STOX2: variants seen among roughly 807,000 people sequenced by gnomAD.
STOX2 encodes the protein storkhead-box protein 2.
Under a neutral mutation model 60.9 loss-of-function variants are expected in STOX2, and 28 were observed. The observed-to-expected ratio is 0.46, with a 90% CI of 0.34 to 0.63. The LOEUF is 0.63. STOX2 is among the 30% of genes least tolerant of loss of function. The pLI, the probability that STOX2 is intolerant of heterozygous loss-of-function variation, is 0.01. For synonymous variants in STOX2, 472 were observed against 463.9 expected (o/e 1.02, Z -0.22); for missense variants, 1,024 against 1,187.7 (o/e 0.86, Z 2.03).
chr4:183,919,396 G>A (rs1356717428), intron 1 of STOX2, among the ~76,000 whole-genome samples: 5 of 152,206 alleles, frequency 3.3e-5, no homozygotes, highest in African/African-American at 4.8e-5. Context: ...GCCAGCTAGA[G>A]GTGGGGTTTA....
intron 1 of STOX2, among the ~76,000 whole-genome samples, chr4:183,892,185 G>A (rs1034652636): frequency 2.0e-5 from 3 of 152,212 alleles, no homozygotes; most frequent in African/African-American, 7.2e-5. Context: ...ATGGCTCCGG[G>A]CCGCCCTCCC....
At chr4:183,947,932 A>G (rs532346069) in intron 1 of STOX2, among the ~76,000 whole-genome samples, 51 of 152,246 alleles carry the variant, frequency 3.3e-4, no homozygotes, top group Non-Finnish European at 5.7e-4. Flanking sequence ...AAGAGTAAGT[A>G]GAGGCTGGGT....
intron 2 of STOX2, among the ~76,000 whole-genome samples, chr4:184,006,477 G>A (rs930373229): frequency 7.9e-5 from 12 of 151,948 alleles, no homozygotes; most frequent in African/African-American, 2.9e-4. Flanking sequence ...TGGGAAGCAG[G>A]GGCGGGAAGA....
intron 1 of STOX2, among the ~76,000 whole-genome samples, chr4:183,951,743 G>A (rs1186917727): frequency 6.6e-6 from 1 of 152,090 alleles, no homozygotes; most frequent in Non-Finnish European, 1.5e-5. Flanking sequence ...TTCGAGACCA[G>A]CCTGGGCAAC....
intron 1 of STOX2, among the ~76,000 whole-genome samples, chr4:183,896,937 T>C (rs1579386649): frequency 6.6e-6 from 1 of 152,298 alleles, no homozygotes; most frequent in East Asian, 1.9e-4. Context: ...CCCACCAATA[T>C]TGTCATTTGG....
At chr4:183,973,949 G>A (rs944685097) in intron 1 of STOX2, among the ~76,000 whole-genome samples, 2 of 152,202 alleles carry the variant, frequency 1.3e-5, no homozygotes, top group Non-Finnish European at 2.9e-5. Flanking sequence ...AGCAGAGATT[G>A]TGCCACTGCG....
At chr4:183,831,013 T>A (rs1739553395) in intron 1 of STOX2, among the ~76,000 whole-genome samples, 1 of 151,546 alleles carries the variant, frequency 6.6e-6, no homozygotes, top group Non-Finnish European at 1.5e-5. Flanking sequence ...AATCCTGGGA[T>A]TCTGGGTTAG....
chr4:183,920,892 G>A (rs996515163), intron 1 of STOX2, among the ~76,000 whole-genome samples: 2 of 152,164 alleles, frequency 1.3e-5, no homozygotes, highest in Non-Finnish European at 2.9e-5. Flanking sequence ...AGGTCTTAAC[G>A]CATTTAGTGC....
chr4:183,837,512 G>A (rs1304663517), intron 1 of STOX2, among the ~76,000 whole-genome samples: 8 of 151,512 alleles, frequency 5.3e-5, no homozygotes, highest in Admixed American at 5.3e-4. Context: ...AGGCTGAAGT[G>A]CAGTGGCACA....
intron 1 of STOX2, among the ~76,000 whole-genome samples, chr4:183,972,548 A>T (rs1305912044): frequency 1.3e-5 from 2 of 152,226 alleles, no homozygotes; most frequent in African/African-American, 2.4e-5. Context: ...TGACCACTGC[A>T]TGGTATACAT....
chr4:184,004,295 T>C (rs1733723954), intron 2 of STOX2, among the ~76,000 whole-genome samples: 2 of 152,202 alleles, frequency 1.3e-5, no homozygotes, highest in African/African-American at 4.8e-5. Context: ...TTTTAGTGAA[T>C]AGTCTTCCAG....
chr4:183,894,423 G>A (rs535133424), intron 1 of STOX2, among the ~76,000 whole-genome samples: 5 of 152,058 alleles, frequency 3.3e-5, no homozygotes, highest in African/African-American at 1.2e-4. Context: ...TAGCATCTCT[G>A]TATTTTTATT....
In STOX2 at chr4:183,906,465, C is replaced by T. The variant is rs1579397726; in HGVS notation, c.-326C>T. The stretch of plus-strand genomic sequence containing the variant: ...TGCAAGTCTCGGCGCCCCCACCCCG[C>T]CCGCCCCCTCCCCGCCTCCTCCCGG... On this transcript the variant is annotated 5_prime_UTR_variant, in exon 1 of 4. Coordinates refer to ENST00000308497, the MANE Select transcript of STOX2 (RefSeq NM_020225.3). 1 of 153,728 alleles carries T rather than the reference C, an allele frequency of 6.5e-6. No homozygotes were observed. The highest frequency in any genetic ancestry group is 1.4e-5 in the Non-Finnish European group (1 of 69,234). The allele number at this position is 153,728 out of a possible 1,614,324, so 9.5% of individuals were successfully genotyped here.
At chr4:183,832,965 C>T (rs992289667) in intron 1 of STOX2, among the ~76,000 whole-genome samples, 11 of 152,266 alleles carry the variant, frequency 7.2e-5, no homozygotes, top group African/African-American at 2.4e-4. Flanking sequence ...AAACCTGTTA[C>T]AGCATGCTGA....
At chr4:183,922,237 G>A (rs11735811) in intron 1 of STOX2, among the ~76,000 whole-genome samples, 11,489 of 151,888 alleles carry the variant, frequency 0.076, 570 homozygotes, top group Middle Eastern at 0.12. Context: ...TGTTCCTCAG[G>A]TGCAAATATT....
At chr4:183,911,927 A>G (rs527712759) in intron 1 of STOX2, among the ~76,000 whole-genome samples, 2 of 152,244 alleles carry the variant, frequency 1.3e-5, no homozygotes, top group Admixed American at 6.5e-5. Context: ...GTATAGATAT[A>G]GTCTACTCCA....
chr4:183,882,448 G>A (rs888132159), intron 1 of STOX2, among the ~76,000 whole-genome samples: 6 of 152,226 alleles, frequency 3.9e-5, no homozygotes, highest in Non-Finnish European at 4.4e-5. Flanking sequence ...TATTGCAAGA[G>A]TTCAGTGAAA....
chr4:183,918,827 C>T (rs1055733858), intron 1 of STOX2, among the ~76,000 whole-genome samples: 10 of 152,266 alleles, frequency 6.6e-5, no homozygotes, highest in Middle Eastern at 3.4e-3. Context: ...CCTGGGGCTC[C>T]GGGATGACGG....
chr4:183,850,606 G>A (rs1740094871), intron 1 of STOX2, among the ~76,000 whole-genome samples: 1 of 152,064 alleles, frequency 6.6e-6, no homozygotes, highest in Non-Finnish European at 1.5e-5. Context: ...GCAGGTGCCT[G>A]TAATCCCAGT....
Sources: allele counts gnomAD v4.1 joint callset (sites outside exome capture counted in the v4.1 genomes callset), GRCh38; gene constraint gnomAD v4.1.1; transcripts MANE v1.5; gene names NCBI Gene and HGNC (gene_info 2026-07-23, HGNC 2026-07-21).